CACNB2: variants seen among roughly 807,000 people sequenced by gnomAD.
CACNB2 encodes voltage-dependent L-type calcium channel subunit beta-2.
In CACNB2, 42 loss-of-function variants were observed where a neutral mutation model predicts 73.3. That is an observed-to-expected ratio of 0.57 (90% CI 0.45 to 0.74). The LOEUF is 0.74. Among genes scored for constraint, CACNB2 ranks in the 30% least tolerant of loss-of-function variants. The pLI is 0.00. For missense variants in CACNB2, 940 were observed against 853.0 expected (o/e 1.10, Z -1.27); for synonymous variants, 348 against 310.3 (o/e 1.12, Z -1.28).
At chr10:18,372,478 C>T (rs1274880345) in intron 2 of CACNB2, among the ~76,000 whole-genome samples, 1 of 152,144 alleles carries the variant, frequency 6.6e-6, no homozygotes, top group Non-Finnish European at 1.5e-5. Flanking sequence ...AGTATCTCGG[C>T]TCACTGCAAC....
chr10:18,455,398 G>C (rs895212625), intron 3 of CACNB2, among the ~76,000 whole-genome samples: 1 of 152,212 alleles, frequency 6.6e-6, no homozygotes, highest in African/African-American at 2.4e-5. Context: ...TAGGAGAGCT[G>C]TGTTTGAAGA....
intron 3 of CACNB2, among the ~76,000 whole-genome samples, chr10:18,445,331 C>G (rs991863093): frequency 6.6e-6 from 1 of 152,144 alleles, no homozygotes; most frequent in Admixed American, 6.6e-5. Flanking sequence ...AACAGAGCAT[C>G]AATTTAACAA....
chr10:18,232,018 A>G (rs2036242868), intron 2 of CACNB2, among the ~76,000 whole-genome samples: 2 of 152,134 alleles, frequency 1.3e-5, no homozygotes, highest in South Asian at 4.1e-4. Flanking sequence ...TATTGCTTTT[A>G]TTTTCCTTCC....
chr10:18,236,998 C>A (rs1051407417), intron 2 of CACNB2, among the ~76,000 whole-genome samples: 1 of 152,150 alleles, frequency 6.6e-6, no homozygotes, highest in African/African-American at 2.4e-5. Context: ...GGCGAAGTGC[C>A]AAGCAAGGCA....
chr10:18,333,862 T>C (rs1399846920), intron 2 of CACNB2, among the ~76,000 whole-genome samples: 2 of 147,594 alleles, frequency 1.4e-5, no homozygotes, highest in African/African-American at 5.0e-5. Flanking sequence ...ACCTCCAAAA[T>C]TCTGCCTTTT....
intron 3 of CACNB2, among the ~76,000 whole-genome samples, chr10:18,478,383 C>T (rs1240360031): frequency 1.3e-5 from 2 of 152,194 alleles, no homozygotes; most frequent in Non-Finnish European, 2.9e-5. Flanking sequence ...AGAATTGTCT[C>T]CAATTGCGAC....
chr10:18,512,546 C>CT (rs751250042), intron 6 of CACNB2, among the ~76,000 whole-genome samples: 3 of 152,062 alleles, frequency 2.0e-5, no homozygotes, highest in Admixed American at 6.6e-5. Context: ...AAAGAAAAAT[C>CT]TTTTTTTGCA....
chr10:18,179,706 G>A lies in CACNB2; in HGVS notation c.213+28731G>A, dbSNP rs572825108. On this transcript the variant is annotated intron_variant, in intron 2 of 13. Coordinates refer to ENST00000324631, the MANE Select transcript of CACNB2 (RefSeq NM_201596.3). ...TTTGTATGATGCCTGATTGCATACC[G>A]GTTCTTTCCTTTTGCTTGTGAGTAA... Among the ~76,000 whole-genome samples the A allele has an allele frequency of 6.6e-5, 10 of 151,874 alleles. No individual in the cohort carries two copies. In the South Asian group the frequency reaches 2.1e-3, roughly 32 times the overall value.
intron 3 of CACNB2, among the ~76,000 whole-genome samples, chr10:18,411,828 T>C (rs2044647496): frequency 6.6e-6 from 1 of 152,182 alleles, no homozygotes; most frequent in Non-Finnish European, 1.5e-5. Flanking sequence ...TGTAGAAATA[T>C]ATTTGAGCAG....
chr10:18,362,902 C>G (rs1214935966), intron 2 of CACNB2, among the ~76,000 whole-genome samples: 1 of 105,408 alleles, frequency 9.5e-6, no homozygotes, highest in Non-Finnish European at 2.0e-5. Flanking sequence ...GAGTGAAACT[C>G]TGTTTAAAAA....
At chr10:18,531,163 T>C (rs1157881627) in intron 10 of CACNB2, among the ~76,000 whole-genome samples, 2 of 152,236 alleles carry the variant, frequency 1.3e-5, no homozygotes, top group Non-Finnish European at 2.9e-5. Context: ...CCCTCAACAC[T>C]AGCCGCAATG....
chr10:18,479,728 T>G (rs1181791897), intron 3 of CACNB2, among the ~76,000 whole-genome samples: 9 of 152,154 alleles, frequency 5.9e-5, no homozygotes, highest in Non-Finnish European at 8.8e-5. Context: ...TCTCACTCTC[T>G]CTTGCTCTCC....
chr10:18,350,741 G>T (rs2041672407), intron 2 of CACNB2, among the ~76,000 whole-genome samples: 1 of 152,086 alleles, frequency 6.6e-6, no homozygotes, highest in Non-Finnish European at 1.5e-5. Flanking sequence ...TCACCCCATG[G>T]GTGTGATACC....
At position 18,518,903 on chromosome 10, in the gene CACNB2, A is replaced by G. The variant is rs2051550063; in HGVS notation, c.886-7A>G. On this transcript the variant is annotated splice_polypyrimidine_tract_variant and splice_region_variant and intron_variant, in intron 8 of 13. Transcript: ENST00000324631. ...CATATCTTAATTTATTGCTTGCTCA[A>G]TTGCAGGTCACAGATATGATGCAAA... The G allele has an allele frequency of 1.2e-6, 2 of 1,613,094 alleles. No homozygotes were observed. Among genetic ancestry groups the G allele is most frequent in the Non-Finnish European group, 1.7e-6 (2 of 1,179,118 alleles).
At chr10:18,306,370 A>G (rs2039728424) in intron 2 of CACNB2, among the ~76,000 whole-genome samples, 2 of 152,190 alleles carry the variant, frequency 1.3e-5, no homozygotes, top group East Asian at 3.9e-4. Flanking sequence ...TAGGGTTTGA[A>G]AGAATTAAGA....
chr10:18,146,373 A>C (rs979413027), intron 1 of CACNB2, among the ~76,000 whole-genome samples: 1 of 146,296 alleles, frequency 6.8e-6, no homozygotes, highest in Non-Finnish European at 1.5e-5. Context: ...GCAGTGGTGC[A>C]ATCTTGGCTC....
At chr10:18,538,815 C>G (rs528716333) in intron 13 of CACNB2, among the ~76,000 whole-genome samples, 25 of 152,092 alleles carry the variant, frequency 1.6e-4, no homozygotes, top group Non-Finnish European at 2.8e-4. Context: ...AGTGCCTGTC[C>G]CATACTGTAT....
chr10:18,267,859 C>A (rs2037880648), intron 2 of CACNB2, among the ~76,000 whole-genome samples: 1 of 152,170 alleles, frequency 6.6e-6, no homozygotes, highest in African/African-American at 2.4e-5. Context: ...AATGACACTT[C>A]CGGGGCAGCG....
rs563600520 is a variant in CACNB2 at position 18,452,570 on chromosome 10, G to C, written c.334-45785G>C. Among the ~76,000 whole-genome samples, 3 of 152,100 alleles carry C rather than the reference G, an allele frequency of 2.0e-5. No homozygotes were observed. In the East Asian group the frequency reaches 5.8e-4, roughly 29 times the overall value. ...TTTAATTTAATATTTTAAAGTCAGG[G>C]TCTTGCTCTGTTAGCCAGGCTGGAG... On this transcript the variant is annotated intron_variant, in intron 3 of 13. Transcript: ENST00000324631.
Sources: gnomAD v4.1 joint callset for allele counts (sites outside exome capture counted in the v4.1 genomes callset) on GRCh38, gnomAD v4.1.1 for gene constraint, MANE v1.5 for transcripts, NCBI Gene and HGNC (gene_info 2026-07-23, HGNC 2026-07-21) for gene names.